Variants in ACAD11 observed in about 807,000 individuals in gnomAD.
ACAD11 encodes acyl-Coenzyme A dehydrogenase family, member 11.
In ACAD11, 83 loss-of-function variants were observed where a neutral mutation model predicts 102.2. That is an observed-to-expected ratio of 0.81 (90% CI 0.68 to 0.97). The LOEUF is 0.97. Among genes scored for constraint, ACAD11 ranks in the 50% least tolerant of loss-of-function variants. ACAD11 has a pLI of 0.00. For synonymous variants in ACAD11, 324 were observed against 319.8 expected (o/e 1.01, Z -0.14); for missense variants, 901 against 951.7 (o/e 0.95, Z 0.70).
intron 1 of ACAD11, among the ~76,000 whole-genome samples, chr3:132,650,763 C>A (rs1420666420): frequency 6.6e-6 from 1 of 152,198 alleles, no homozygotes; most frequent in Non-Finnish European, 1.5e-5. Context: ...TTTCCTATCA[C>A]TGACAGCACT....
At chr3:132,605,059 G>A (rs777106996) in intron 12 of ACAD11, 39 bp downstream of exon 12, 45 of 1,478,588 alleles carry the variant, frequency 3.0e-5, no homozygotes, top group Non-Finnish European at 3.9e-5. Flanking sequence ...ACTCCGGGAC[G>A]ACTGACTACA....
chr3:132,563,046 T>C (rs1192839499), intron 17 of ACAD11, among the ~76,000 whole-genome samples: 1 of 152,250 alleles, frequency 6.6e-6, no homozygotes, highest in Non-Finnish European at 1.5e-5. Flanking sequence ...TGCCTATCTA[T>C]GTCCAATTGC....
chr3:132,656,054 T>A (rs987272238), intron 1 of ACAD11, among the ~76,000 whole-genome samples: 2 of 152,222 alleles, frequency 1.3e-5, no homozygotes, highest in African/African-American at 4.8e-5. Flanking sequence ...CTTGAGTGAC[T>A]ACCATTCTGA....
rs765242964 is a variant in ACAD11, at chr3:132,659,745, G to C, written c.7C>G (p.Pro3Ala). MK[P>A]GATGESDLAE... ...AAATCGGACTCGCCAGTAGCACCTG[G>C]CTTCATGATCACCCCCGCAGGCCAC... Residue 3 changes from proline (P) to alanine (A), a missense_variant, in exon 1 of 20, where the codon CCA (proline) becomes GCA (alanine). Physicochemically the swap from Pro to Ala is conservative, Grantham distance 27. Transcript: ENST00000264990. 33 of 1,600,774 alleles carry C rather than the reference G, an allele frequency of 2.1e-5. No homozygotes were observed. The South Asian group carries it at 2.9e-4, about 14-fold the overall frequency.
At chr3:132,582,814 T>C (rs1037687267) in intron 13 of ACAD11, among the ~76,000 whole-genome samples, 1 of 152,094 alleles carries the variant, frequency 6.6e-6, no homozygotes, top group Non-Finnish European at 1.5e-5. Context: ...TTAAACCGAC[T>C]TAGAACTTGA....
At position 132,613,964 on chromosome 3, in the gene ACAD11, C is replaced by G. The variant is rs558885556; in HGVS notation, c.1414+4670G>C. ...AAAATCTCCTTAAGCTGATAAGCAA[C>G]TTCAGCAAAGTCTCAGGATACAAAA... On this transcript the variant is annotated intron_variant, in intron 11 of 19. Coordinates refer to ENST00000264990, the MANE Select transcript of ACAD11 (RefSeq NM_032169.5). Among the ~76,000 whole-genome samples the G allele has an allele frequency of 4.6e-5, 7 of 152,220 alleles. No homozygotes were observed. The East Asian group carries it at 1.3e-3, about 29-fold the overall frequency.
intron 13 of ACAD11, among the ~76,000 whole-genome samples, chr3:132,580,022 CA>C (rs1047074915): frequency 6.6e-6 from 1 of 151,804 alleles, no homozygotes; most frequent in Non-Finnish European, 1.5e-5. Flanking sequence ...TATCACAGTT[CA>C]GGGGTCTGTG....
At chr3:132,639,811 G>A (rs1484185858) in intron 4 of ACAD11, among the ~76,000 whole-genome samples, 155 bp from the exon 5 acceptor site, 2 of 152,026 alleles carry the variant, frequency 1.3e-5, no homozygotes, top group South Asian at 2.1e-4. Context: ...ACTCAAATCA[G>A]CCTAAACCTT....
At chr3:132,657,847 A>T (rs1937888500) in intron 1 of ACAD11, among the ~76,000 whole-genome samples, 2 of 149,128 alleles carry the variant, frequency 1.3e-5, no homozygotes, top group South Asian at 4.3e-4. Flanking sequence ...AACTTTTGGT[A>T]TTAAAAAAAC....
intron 9 of ACAD11, chr3:132,620,302 T>G (rs1346510554): frequency 1.3e-5 from 2 of 152,194 alleles, no homozygotes; most frequent in East Asian, 3.8e-4. Context: ...GGGACTGAAT[T>G]CACAGACTTA....
chr3:132,630,648 G>C (rs1208228248), intron 6 of ACAD11, 90 bp from the exon 7 acceptor site: 2 of 1,161,152 alleles, frequency 1.7e-6, no homozygotes, highest in East Asian at 2.5e-5. Flanking sequence ...TATGTAAAAC[G>C]GAATGTAATA....
At chr3:132,559,431 T>C (rs1169903862) in intron 19 of ACAD11, among the ~76,000 whole-genome samples, 1 of 152,124 alleles carries the variant, frequency 6.6e-6, no homozygotes, top group Non-Finnish European at 1.5e-5. Context: ...GATGAGACTC[T>C]ATCTCCATTG....
chr3:132,572,556 A>G (rs1376486194), intron 17 of ACAD11, among the ~76,000 whole-genome samples: 1 of 152,238 alleles, frequency 6.6e-6, no homozygotes, highest in Non-Finnish European at 1.5e-5. Context: ...TAAAATTTAT[A>G]TGGAACCAAG....
At chr3:132,589,057 G>A (rs1366941761) in intron 13 of ACAD11, among the ~76,000 whole-genome samples, 1 of 152,176 alleles carries the variant, frequency 6.6e-6, no homozygotes, top group East Asian at 1.9e-4. Context: ...AGAGGCCTGA[G>A]AGAGCTTGGT....
chr3:132,595,721 A>T (rs1306195456), intron 13 of ACAD11, among the ~76,000 whole-genome samples: 1 of 152,202 alleles, frequency 6.6e-6, no homozygotes, highest in African/African-American at 2.4e-5. Context: ...TCATTAGAGA[A>T]ATGCAAATCA....
At chr3:132,579,040 C>T (rs1458270781) in intron 14 of ACAD11, 159 bp from the exon 15 acceptor site, 1 of 1,512,654 alleles carries the variant, frequency 6.6e-7, no homozygotes, top group South Asian at 1.2e-5. Context: ...CCAACATAGT[C>T]TGATGCAGGC....
chr3:132,562,819 C>G (rs553116509), intron 17 of ACAD11, among the ~76,000 whole-genome samples: 1 of 152,280 alleles, frequency 6.6e-6, no homozygotes, highest in African/African-American at 2.4e-5. Flanking sequence ...ATTCAGGACG[C>G]TAGTCATTTG....
intron 1 of ACAD11, 174 bp downstream of exon 1, chr3:132,659,429 C>T: frequency 1.2e-6 from 1 of 822,600 alleles, no homozygotes; most frequent in Non-Finnish European, 1.8e-6. Context: ...TTGGGAAGCC[C>T]CCAGCATCGA....
At chr3:132,564,532 A>G (rs986851625) in intron 17 of ACAD11, among the ~76,000 whole-genome samples, 2 of 152,154 alleles carry the variant, frequency 1.3e-5, no homozygotes, top group African/African-American at 4.8e-5. Flanking sequence ...CTTCATCTAA[A>G]TTGTTAACTT....
Sources: gnomAD v4.1 joint callset for allele counts (sites outside exome capture counted in the v4.1 genomes callset) on GRCh38, gnomAD v4.1.1 for gene constraint, MANE v1.5 for transcripts, NCBI Gene and HGNC (gene_info 2026-07-23, HGNC 2026-07-21) for gene names.